The following TTC16 variants were observed in gnomAD, a reference collection of about 807,000 sequenced individuals.
The protein encoded by TTC16 is tetratricopeptide repeat domain 16, also known as tetratricopeptide repeat protein 16.
In TTC16, 66 loss-of-function variants were observed where a neutral mutation model predicts 80.4. That is an observed-to-expected ratio of 0.82 (90% CI 0.67 to 1.01). TTC16 has a LOEUF of 1.01. TTC16 is among the 50% of genes least tolerant of loss of function. TTC16 has a pLI of 0.00. For synonymous variants in TTC16, 438 were observed against 451.3 expected, an observed-to-expected ratio of 0.97 and a Z score of 0.37; for missense variants, 1,070 against 1,103.2, an observed-to-expected ratio of 0.97 and a Z score of 0.43.
chr9:127,726,508 C>T, intron 10 of TTC16, 104 bp downstream of exon 10: 3 of 1,307,576 alleles, frequency 2.3e-6, no homozygotes, highest in Non-Finnish European at 3.1e-6. Flanking sequence ...AATCATAAGG[C>T]CAGGCATGGT....
In TTC16 at chr9:127,724,042, T is replaced by C. The variant is rs1160621487; in HGVS notation, c.873-78T>C. On this transcript the variant is annotated intron_variant, in intron 7 of 13. Coordinates refer to ENST00000373289, the MANE Select transcript of TTC16 (RefSeq NM_144965.3). Reference sequence around the variant, plus strand: ...AGGAGGCCCAGAGCCGGCAGTGGCTTGTCTGGCCACTAGCCAGTCGGTGGG... The same window carrying C: ...AGGAGGCCCAGAGCCGGCAGTGGCTCGTCTGGCCACTAGCCAGTCGGTGGG... The C allele has an allele frequency of 4.8e-6, 7 of 1,456,622 alleles. No homozygotes were observed. In the African/African-American group the frequency reaches 8.5e-5, roughly 18 times the overall value. 90.2% of individuals were successfully genotyped at this position (1,456,622 alleles called of 1,614,324 possible).
In TTC16 at chr9:127,724,289, C is replaced by T; in HGVS notation, c.1042C>T (p.Gln348Ter). The change falls in exon 8 of 14, where the codon CAG becomes TAG. Residue 348 changes from glutamine (Q) to a stop codon, truncating the protein, a stop_gained. Transcript: ENST00000373289. LOFTEE classifies it high-confidence loss of function. ...GCACTGCTACAGGCAGGGCGCCTAC[C>T]AGGAGGGCGTGCTGCTGCTGAACAA... ...AVHCYRQGAY[Q>*]EGVLLLNKAL... 6.2e-7 allele frequency: 1 copy of T among 1,612,992 alleles called. No individual in the cohort carries two copies. The highest frequency in any genetic ancestry group is 8.5e-7 in the Non-Finnish European group (1 of 1,179,998).
intron 13 of TTC16, chr9:127,730,423 AG>A: frequency 1.6e-6 from 1 of 639,618 alleles, no homozygotes; most frequent in South Asian, 2.1e-5. Context: ...GACTGGGAGA[AG>A]GGGGCTCCTA....
chr9:127,723,991 T>C, intron 7 of TTC16, 129 bp from the exon 8 acceptor site: 1 of 1,281,828 alleles, frequency 7.8e-7, no homozygotes, highest in South Asian at 1.6e-5. Context: ...GCAAATGAGG[T>C]GGGATCCCCA....
At position 127,726,982 on chromosome 9, in the gene TTC16, A is replaced by C; in HGVS notation, c.1438A>C (p.Met480Leu). Residue 480 changes from methionine (M) to leucine (L), a missense_variant, in exon 11 of 14, where the codon ATG (methionine) becomes CTG (leucine). Transcript: ENST00000373289. ...NPKQPKLSLL[M>L]TNLFPGMSVE... ...CCTTTCGTGGCAGCTGTCCCTGCTG[A>C]TGACCAACCTCTTCCCGGGCATGTC... The C allele has an allele frequency of 6.2e-7, 1 of 1,613,184 alleles. No individual in the cohort carries two copies. Among genetic ancestry groups the C allele is most frequent in the Middle Eastern group, 1.6e-4 (1 of 6,062 alleles).
At chr9:127,724,388 G>T in intron 8 of TTC16, 24 bp downstream of exon 8, 1 of 1,609,814 alleles carries the variant, frequency 6.2e-7, no homozygotes, top group South Asian at 1.1e-5. Flanking sequence ...AGGGCACTGG[G>T]GAGGGGGGGT....
At position 127,729,369 on chromosome 9, in the gene TTC16, G is replaced by A. The variant is rs1007953419; in HGVS notation, c.1765-212G>A. The A allele has an allele frequency of 4.7e-5, 25 of 536,524 alleles. No individual in the cohort carries two copies. In the East Asian group the frequency reaches 6.0e-4, roughly 13 times the overall value. The allele number at this position is 536,524 out of a possible 1,614,324, so 33.2% of individuals were successfully genotyped here. A position where few individuals can be genotyped will look rare whatever the true frequency, so the allele number is the denominator to read the frequency against. ...CGCTAGCAGCTCCTTCAACACAACC[G>A]TTCTCACGGCACCATGCCTGTCTAG... is the stretch of plus-strand genomic sequence containing the variant. On this transcript the variant is annotated intron_variant, in intron 12 of 13. Transcript: ENST00000373289.
In TTC16 at chr9:127,717,671, T is replaced by A; in HGVS notation, c.325T>A (p.Cys109Ser). 1.9e-6 allele frequency: 3 copies of A among 1,614,086 alleles called. No homozygotes were observed. The highest frequency in any genetic ancestry group is 2.5e-6 in the Non-Finnish European group (3 of 1,180,024). ...ALRAEAYLQL[C>S]DFSSAAQNLR... is the part of the protein sequence containing the mutation. ...ACGGGCTGAGGCCTACCTCCAGCTC[T>A]GTGACTTCTCCTCGGCCGCCCAGAA... Residue 109 changes from cysteine to serine, a missense_variant, in exon 4 of 14, where the codon TGT becomes AGT. By Grantham distance (112) the Cys-to-Ser change is moderately radical. Transcript: ENST00000373289.
chr9:127,727,284 A>T lies in TTC16; in HGVS notation c.1583A>T (p.His528Leu), dbSNP rs774662996. Residue 528 changes from histidine to leucine, a missense_variant, in exon 12 of 14, where the codon CAC (histidine) becomes CTC (leucine). Transcript: ENST00000373289. The stretch of plus-strand genomic sequence containing the variant: ...TCGTTTGGCAGGATGCTTAAACGGC[A>T]CGAGTTGGAGCGCCAGAAGGCCTTG... The part of the protein sequence containing the change: ...PQGIVGMLKR[H>L]ELERQKALAL... 1.3e-6 allele frequency: 2 copies of T among 1,567,278 alleles called. No homozygotes were observed. Among genetic ancestry groups the T allele is most frequent in the South Asian group, 1.2e-5 (1 of 86,232 alleles).
Position 127,730,753 on chromosome 9 carries a change from A to G in TTC16, c.1970A>G (p.Asp657Gly). 6.2e-7 allele frequency: 1 copy of G among 1,613,648 alleles called. No individual in the cohort carries two copies. Among genetic ancestry groups the G allele is most frequent in the Non-Finnish European group, 8.5e-7 (1 of 1,180,024 alleles). The change falls in exon 14 of 14, where the codon GAC becomes GGC. Residue 657 changes from aspartate to glycine, a missense_variant. Coordinates refer to ENST00000373289, the MANE Select transcript of TTC16 (RefSeq NM_144965.3). ...TCACTGTTGAAGACGCAATCCTCGGACTCTGGGAACAACAGGGAGGCACTA... is the reference window on the plus strand; with the variant it reads ...TCACTGTTGAAGACGCAATCCTCGGGCTCTGGGAACAACAGGGAGGCACTA... The part of the protein sequence containing the change: ...DSSLLKTQSS[D>G]SGNNREALSH...
chr9:127,726,041 T>C (rs549504171), intron 9 of TTC16, among the ~76,000 whole-genome samples, 198 bp from the exon 10 acceptor site: 7 of 152,302 alleles, frequency 4.6e-5, no homozygotes, highest in Non-Finnish European at 8.8e-5. Flanking sequence ...AAGATATTCA[T>C]TGATGTTGGA....
At position 127,716,156 on chromosome 9, in the gene TTC16, C is replaced by T. The variant is rs1484989187; in HGVS notation, c.11C>T (p.Ser4Leu). Residue 4 changes from serine (S) to leucine (L), a missense_variant, in exon 1 of 14, where the codon TCG becomes TTG. Transcript: ENST00000373289. ...CCTGGAAGGGGCCTCATGACAGATT[C>T]GGACGAGGTGCGGGCTTGGGAGAAG... MTD[S>L]DEDALKVDQG... is the part of the protein sequence containing the mutation. 1 of 1,613,880 alleles carries T rather than the reference C, an allele frequency of 6.2e-7. No individual in the cohort carries two copies.
At chr9:127,726,866 C>A (rs898634020) in intron 10 of TTC16, 104 bp from the exon 11 acceptor site, 3 of 1,341,510 alleles carry the variant, frequency 2.2e-6, no homozygotes, top group Non-Finnish European at 3.2e-6. Context: ...CCTTCTTCAG[C>A]CCTGGGAAGG....
chr9:127,724,868 G>A lies in TTC16; in HGVS notation c.1230G>A (p.Glu410=). The change falls in exon 9 of 14, where the codon GAG becomes GAA. Residue 410 remains glutamate (E), a synonymous_variant. Coordinates refer to ENST00000373289, the MANE Select transcript of TTC16 (RefSeq NM_144965.3). ...ACACGCGCATGGGCCTGCTGCAGGAGAAGATGGGCTTCTGCGAGCAGAGGC... is the reference window on the plus strand; with the variant it reads ...ACACGCGCATGGGCCTGCTGCAGGAAAAGATGGGCTTCTGCGAGCAGAGGC... ...GANTRMGLLQ[E]KMGFCEQRRK... is the part of the protein sequence containing the mutation. 6.3e-7 allele frequency: 1 copy of A among 1,574,964 alleles called. No individual in the cohort carries two copies. The highest frequency in any genetic ancestry group is 8.6e-7 in the Non-Finnish European group (1 of 1,162,850).
chr9:127,721,131 G>T (rs1013919368), intron 6 of TTC16, among the ~76,000 whole-genome samples: 1 of 151,636 alleles, frequency 6.6e-6, no homozygotes, highest in Admixed American at 6.6e-5. Flanking sequence ...GGGGTGCTGG[G>T]CACCAAGGAG....
At chr9:127,724,646 G>A (rs902661040) in intron 8 of TTC16, 110 bp from the exon 9 acceptor site, 4 of 1,415,780 alleles carry the variant, frequency 2.8e-6, no homozygotes, top group Admixed American at 4.7e-5. Context: ...TGCGGCGGGG[G>A]GTTATCAGCC....
chr9:127,729,847 G>C (rs574178191), intron 13 of TTC16, 179 bp downstream of exon 13: 1 of 604,362 alleles, frequency 1.7e-6, no homozygotes, highest in Non-Finnish European at 2.9e-6. Context: ...CCAGGACGAG[G>C]TGAGGCTTGC....
intron 8 of TTC16, 128 bp from the exon 9 acceptor site, chr9:127,724,628 A>G: frequency 7.6e-7 from 1 of 1,323,584 alleles, no homozygotes; most frequent in Non-Finnish European, 1.0e-6. Context: ...ACTAGAGAGG[A>G]CGGAGACTGC....
intron 9 of TTC16, among the ~76,000 whole-genome samples, chr9:127,725,408 C>CA (rs1843858855): frequency 6.7e-6 from 1 of 148,882 alleles, no homozygotes; most frequent in African/African-American, 2.5e-5. Flanking sequence ...ACTAAAAATA[C>CA]AAAAAATTAG....
Sources: allele counts gnomAD v4.1 joint callset (sites outside exome capture counted in the v4.1 genomes callset), GRCh38; gene constraint gnomAD v4.1.1; transcripts MANE v1.5; gene names NCBI Gene and HGNC (gene_info 2026-07-23, HGNC 2026-07-21).